AGFG1: variants seen among roughly 807,000 people sequenced by gnomAD.
The protein encoded by AGFG1 is arf-GAP domain and FG repeat-containing protein 1.
Under a neutral mutation model 60.6 loss-of-function variants are expected in AGFG1, and 10 were observed. The ratio of observed to expected loss-of-function variants is 0.16; its 90% CI spans 0.10 to 0.28. AGFG1 has a LOEUF of 0.28. AGFG1 is among the 10% of genes least tolerant of loss of function. The pLI, the probability that AGFG1 is intolerant of heterozygous loss-of-function variation, is 1.00. For missense variants in AGFG1, 537 were observed against 676.5 expected (o/e 0.79, Z 2.29); for synonymous variants, 247 against 242.9 (o/e 1.02, Z -0.16).
Position 227,558,217 on chromosome 2 carries a change from CTTTTTG to C in AGFG1, c.*3723_*3728del, listed in dbSNP as rs1440245519. The C allele has an allele frequency of 6.6e-6, 1 of 152,136 alleles. No homozygotes were observed. Among genetic ancestry groups the C allele is most frequent in the Non-Finnish European group, 1.5e-5 (1 of 68,024 alleles). 9.4% of individuals were successfully genotyped at this position (152,136 alleles called of 1,614,324 possible). ...CATAGAGAGGTTAAGCTAGTGGCAG[CTTTTTG>C]CTCTGGGGAACAGATTTGGATTAAA... On this transcript the variant is annotated 3_prime_UTR_variant, in exon 13 of 13. Transcript: ENST00000310078.
At position 227,560,861 on chromosome 2, in the gene AGFG1, G is replaced by A. The variant is rs1250519711; in HGVS notation, c.*6366G>A. 1 of 152,012 alleles carries A rather than the reference G, an allele frequency of 6.6e-6. No individual in the cohort carries two copies. Among genetic ancestry groups the A allele is most frequent in the African/African-American group, 2.4e-5 (1 of 41,396 alleles). 9.4% of individuals were successfully genotyped at this position (152,012 alleles called of 1,614,324 possible). ...TAGTCAAGCACAGGATTTGTTTTCT[G>A]CAAAAGTTTATTTTCAATGAAGAAT... is the stretch of plus-strand genomic sequence containing the variant. On this transcript the variant is annotated 3_prime_UTR_variant, in exon 13 of 13. Transcript: ENST00000310078.
intron 1 of AGFG1, among the ~76,000 whole-genome samples, chr2:227,487,362 A>C (rs1020843616): frequency 6.6e-6 from 1 of 151,976 alleles, no homozygotes; most frequent in Non-Finnish European, 1.5e-5. Flanking sequence ...AAGACCTGTT[A>C]ACATTTTGGA....
chr2:227,477,297 A>T (rs1464602620), intron 1 of AGFG1, among the ~76,000 whole-genome samples: 1 of 152,232 alleles, frequency 6.6e-6, no homozygotes, highest in East Asian at 1.9e-4. Context: ...TACAACAGTT[A>T]AAGTATTTAT....
intron 5 of AGFG1, among the ~76,000 whole-genome samples, chr2:227,528,038 T>A (rs1263669974): frequency 6.6e-6 from 1 of 152,176 alleles, no homozygotes; most frequent in East Asian, 1.9e-4. Context: ...TGGATAATGA[T>A]AATATGAAGT....
rs62191041 is a variant in AGFG1, at chr2:227,556,491, A to G, written c.*1996A>G. 3,329 of 152,700 alleles carry G rather than the reference A, an allele frequency of 0.022. 70 individuals are homozygous for G. Among genetic ancestry groups the G allele is most frequent in the Middle Eastern group, 0.085 (25 of 294 alleles). The allele number at this position is 152,700 out of a possible 1,614,324, so 9.5% of individuals were successfully genotyped here. A position where few individuals can be genotyped will look rare whatever the true frequency, so the allele number is the denominator to read the frequency against. ...GACTTGAAATGTCTCCACATTTTGG[A>G]GGACTTCCTCAGCCCTTTTCATTGA... On this transcript the variant is annotated 3_prime_UTR_variant, in exon 13 of 13. Transcript: ENST00000310078.
chr2:227,478,461 A>C (rs374459894), intron 1 of AGFG1, among the ~76,000 whole-genome samples: 6 of 151,928 alleles, frequency 3.9e-5, no homozygotes, highest in Middle Eastern at 3.2e-3. Flanking sequence ...CTCCGACCTC[A>C]GCTTCCCAGG....
At chr2:227,517,932 C>A (rs1249919160) in intron 2 of AGFG1, among the ~76,000 whole-genome samples, 7 of 152,102 alleles carry the variant, frequency 4.6e-5, no homozygotes, top group Non-Finnish European at 8.8e-5. Context: ...ATCATGAAAC[C>A]ACTACCACAA....
At position 227,559,391 on chromosome 2, in the gene AGFG1, T is replaced by C. The variant is rs1004563390; in HGVS notation, c.*4896T>C. 6.6e-6 allele frequency: 1 copy of C among 152,208 alleles called. No homozygotes were observed. Among genetic ancestry groups the C allele is most frequent in the Non-Finnish European group, 1.5e-5 (1 of 68,018 alleles). The allele number at this position is 152,208 out of a possible 1,614,324, so 9.4% of individuals were successfully genotyped here. On this transcript the variant is annotated 3_prime_UTR_variant, in exon 13 of 13. Coordinates refer to ENST00000310078, the MANE Select transcript of AGFG1 (RefSeq NM_004504.5). Reference sequence around the variant, plus strand: ...TAGTCTGATTTTGAAGTCAGTTGTGTAAGTTTGGGCTGACAGTGGTATTTT... The same window carrying C: ...TAGTCTGATTTTGAAGTCAGTTGTGCAAGTTTGGGCTGACAGTGGTATTTT...
At chr2:227,539,214 G>A (rs1306445595) in intron 10 of AGFG1, among the ~76,000 whole-genome samples, 1 of 152,206 alleles carries the variant, frequency 6.6e-6, no homozygotes, top group Middle Eastern at 3.4e-3. Flanking sequence ...AGGCCAAGGC[G>A]GGTGGATCAC....
chr2:227,536,379 A>G (rs1692314500), intron 8 of AGFG1, among the ~76,000 whole-genome samples: 2 of 152,146 alleles, frequency 1.3e-5, no homozygotes, highest in South Asian at 4.1e-4. Context: ...TCGTTACAAT[A>G]GTCATATTCC....
chr2:227,553,737 C>A lies in AGFG1; in HGVS notation c.1571C>A (p.Pro524Gln), dbSNP rs1692891065. The A allele has an allele frequency of 6.2e-7, 1 of 1,613,540 alleles. No individual in the cohort carries two copies. The highest frequency in any genetic ancestry group is 1.3e-5 in the African/African-American group (1 of 74,862). ...TTTGCAGCATTTGGACAAACAAAGC[C>A]AGTAGTAACCCCTTTTGGTCAAGTT... is the stretch of plus-strand genomic sequence containing the variant. ...AGFAAFGQTK[P>Q]VVTPFGQVAA... Residue 524 changes from proline (P) to glutamine (Q), a missense_variant, in exon 12 of 13, where the codon CCA becomes CAA. Pro to Gln is a moderately conservative substitution (Grantham distance 76, BLOSUM62 -1). Coordinates refer to ENST00000310078, the MANE Select transcript of AGFG1 (RefSeq NM_004504.5).
intron 10 of AGFG1, among the ~76,000 whole-genome samples, chr2:227,545,952 TGAG>T (rs965929131): frequency 6.6e-6 from 1 of 152,184 alleles, no homozygotes; most frequent in Non-Finnish European, 1.5e-5. Context: ...GGGACCCACT[TGAG>T]GAGGCAGTCT....
chr2:227,524,915 GGTAA>G lies in AGFG1; in HGVS notation c.694+3_694+6del. ...CTTTGCACATTTCAACAGTCATGCA[GGTAA>G]GTGTTTTTTCCCAACAGCTTTTGCT... On this transcript the variant is annotated splice_donor_variant and splice_donor_region_variant and intron_variant, in intron 5 of 12. Transcript: ENST00000310078. LOFTEE classifies it high-confidence loss of function. 2 of 1,613,912 alleles carry G rather than the reference GGTAA, an allele frequency of 1.2e-6. No homozygotes were observed. Among genetic ancestry groups the G allele is most frequent in the Non-Finnish European group, 1.7e-6 (2 of 1,179,838 alleles).
In AGFG1 at chr2:227,553,436, CAGTGAGCCATGA is replaced by C. The variant is rs557831108; in HGVS notation, c.1538-267_1538-256del. Reference sequence around the variant, plus strand: ...ACCTGAGCCCTGGAGGTTGAGGCTGCAGTGAGCCATGATCATGCTACTGGACTCTGGCCTGGG... The same window carrying C: ...ACCTGAGCCCTGGAGGTTGAGGCTGCTCATGCTACTGGACTCTGGCCTGGG... On this transcript the variant is annotated intron_variant, in intron 11 of 12. Transcript: ENST00000310078. Among the ~76,000 whole-genome samples, 1,073 of 145,648 alleles carry C rather than the reference CAGTGAGCCATGA, an allele frequency of 7.4e-3. 19 individuals carry two copies. Among genetic ancestry groups the C allele is most frequent in the African/African-American group, 0.026 (1,011 of 39,370 alleles).
intron 1 of AGFG1, among the ~76,000 whole-genome samples, chr2:227,483,104 C>T (rs887337699): frequency 8.6e-5 from 13 of 151,512 alleles, no homozygotes; most frequent in African/African-American, 2.7e-4. Flanking sequence ...CACTTTCATC[C>T]AATAGTTATG....
chr2:227,496,144 A>G (rs1183320935), intron 2 of AGFG1, among the ~76,000 whole-genome samples: 2 of 150,888 alleles, frequency 1.3e-5, no homozygotes, highest in African/African-American at 4.9e-5. Flanking sequence ...AGAAGACATT[A>G]TTATTAATGC....
chr2:227,500,950 G>T (rs13432474), intron 2 of AGFG1, among the ~76,000 whole-genome samples: 13 of 151,864 alleles, frequency 8.6e-5, no homozygotes, highest in Admixed American at 2.6e-4. Flanking sequence ...TCGCCACCAC[G>T]CCCAGCTAAT....
At chr2:227,500,454 G>A (rs2106181409) in intron 2 of AGFG1, among the ~76,000 whole-genome samples, 1 of 152,278 alleles carries the variant, frequency 6.6e-6, no homozygotes, top group South Asian at 2.1e-4. Context: ...AGGGAGCCTG[G>A]TTTGGCTATC....
chr2:227,502,754 T>C (rs1275339669), intron 2 of AGFG1, among the ~76,000 whole-genome samples: 2 of 152,236 alleles, frequency 1.3e-5, no homozygotes, highest in Non-Finnish European at 2.9e-5. Flanking sequence ...TCCTCTCAAA[T>C]CATGAGGATA....
Sources: allele counts gnomAD v4.1 joint callset (sites outside exome capture counted in the v4.1 genomes callset), GRCh38; gene constraint gnomAD v4.1.1; transcripts MANE v1.5; gene names NCBI Gene and HGNC (gene_info 2026-07-23, HGNC 2026-07-21).